ZNF717: variants seen among roughly 807,000 people sequenced by gnomAD.
ZNF717 encodes the protein krueppel-like factor X17.
In ZNF717, 9 loss-of-function variants were observed where a neutral mutation model predicts 13.8. That is an observed-to-expected ratio of 0.65 (90% CI 0.39 to 1.14). ZNF717 has a LOEUF of 1.14. Among genes scored for constraint, ZNF717 ranks in the 50% most tolerant of loss-of-function variants. The pLI is 0.01. For synonymous variants in ZNF717, 327 were observed against 364.1 expected (o/e 0.90, Z 1.16); for missense variants, 1,040 against 1,080.7 (o/e 0.96, Z 0.53).
At chr3:75,724,826 AT>A (rs1938244730) in intron 4 of ZNF717, among the ~76,000 whole-genome samples, 1 of 52,348 alleles carries the variant, frequency 1.9e-5, no homozygotes, top group Non-Finnish European at 5.0e-5. Flanking sequence ...CAAGTAACAT[AT>A]CTGTATTATG....
intron 2 of ZNF717, among the ~76,000 whole-genome samples, chr3:75,777,838 CA>C (rs1944455439): frequency 6.7e-6 from 1 of 150,246 alleles, no homozygotes; most frequent in Non-Finnish European, 1.5e-5. Context: ...ACCAGAAACC[CA>C]AAACAATGGG....
chr3:75,748,232 G>A (rs1460213479), intron 2 of ZNF717, among the ~76,000 whole-genome samples: 25 of 152,178 alleles, frequency 1.6e-4, no homozygotes, highest in African/African-American at 5.5e-4. Context: ...AGAACCAGAC[G>A]GAATCACAGC....
At chr3:75,779,837 A>G (rs1362316741) in intron 2 of ZNF717, among the ~76,000 whole-genome samples, 1 of 151,746 alleles carries the variant, frequency 6.6e-6, no homozygotes, top group Non-Finnish European at 1.5e-5. Context: ...CAGAAACCCA[A>G]AACAATGGGA....
intron 6 of ZNF717, among the ~76,000 whole-genome samples, chr3:75,700,769 G>C (rs142534247): frequency 7.5e-6 from 1 of 133,670 alleles, no homozygotes; most frequent in Non-Finnish European, 1.7e-5. Context: ...CCTATTTCTT[G>C]CCACATACAA....
chr3:75,699,147 C>A (rs60200169), intron 6 of ZNF717, among the ~76,000 whole-genome samples: 424 of 150,806 alleles, frequency 2.8e-3, no homozygotes, highest in African/African-American at 0.01. Context: ...TACCCAATGC[C>A]ACTGCCCCAT....
At chr3:75,784,128 A>C (rs975251563) in intron 1 of ZNF717, among the ~76,000 whole-genome samples, 3 of 152,184 alleles carry the variant, frequency 2.0e-5, no homozygotes, top group Non-Finnish European at 4.4e-5. Flanking sequence ...GTCACCACAA[A>C]CCGCCAGATT....
intron 2 of ZNF717, among the ~76,000 whole-genome samples, chr3:75,768,530 C>A (rs539850626): frequency 2.7e-4 from 35 of 131,036 alleles, no homozygotes; most frequent in African/African-American, 1.0e-3. Flanking sequence ...GTCCTCACTG[C>A]GGCTGAGTGT....
At chr3:75,715,430 A>T (rs1304893140) in intron 5 of ZNF717, among the ~76,000 whole-genome samples, 1 of 152,148 alleles carries the variant, frequency 6.6e-6, no homozygotes, top group East Asian at 1.9e-4. Flanking sequence ...TGCTAGACAT[A>T]CCTTAGATTA....
intron 2 of ZNF717, among the ~76,000 whole-genome samples, chr3:75,781,308 T>C (rs1257201109): frequency 1.3e-5 from 2 of 152,272 alleles, no homozygotes; most frequent in Non-Finnish European, 2.9e-5. Flanking sequence ...GTTGTTTCTG[T>C]ACCTCACTTC....
intron 2 of ZNF717, among the ~76,000 whole-genome samples, chr3:75,769,200 G>A (rs1043906773): frequency 1.3e-5 from 2 of 152,142 alleles, no homozygotes; most frequent in South Asian, 2.1e-4. Flanking sequence ...TCTGAGGGGC[G>A]ATCATGAGAG....
At chr3:75,706,113 A>G (rs1937798257), downstream of ZNF717, among the ~76,000 whole-genome samples, 7 of 152,236 alleles carry the variant, frequency 4.6e-5, no homozygotes, top group Non-Finnish European at 2.9e-5. Flanking sequence ...AAAAATTACA[A>G]TCATTTGACT....
At chr3:75,716,503 G>A (rs1389708137) in exon 5 of ZNF717, 1 of 151,856 alleles carries the variant, frequency 6.6e-6, no homozygotes, top group Non-Finnish European at 1.5e-5. Context: ...GTTCCCAAAT[G>A]GTATAAAAAA....
chr3:75,783,466 T>A, intron 1 of ZNF717, 102 bp from the exon 2 acceptor site: 1 of 831,368 alleles, frequency 1.2e-6, no homozygotes, highest in Non-Finnish European at 1.8e-6. Flanking sequence ...GGAAAAGCCC[T>A]CCTCCCTCCT....
At chr3:75,734,035 A>T (rs1177316026), downstream of ZNF717, among the ~76,000 whole-genome samples, 2 of 144,110 alleles carry the variant, frequency 1.4e-5, no homozygotes, top group African/African-American at 5.2e-5. Context: ...AAAAAAAAAG[A>T]TACACATCTG....
intron 2 of ZNF717, among the ~76,000 whole-genome samples, chr3:75,742,501 A>C (rs1476947886): frequency 6.6e-6 from 1 of 151,796 alleles, no homozygotes; most frequent in Non-Finnish European, 1.5e-5. Flanking sequence ...TTGCACCATG[A>C]GGTTCCACTT....
chr3:75,725,354 T>C (rs1260250852), downstream of ZNF717, among the ~76,000 whole-genome samples: 3 of 152,232 alleles, frequency 2.0e-5, no homozygotes, highest in African/African-American at 7.2e-5. Flanking sequence ...AGACTTCTAA[T>C]GATTCAGCTC....
At chr3:75,711,344 TA>T (rs1937933188) in intron 5 of ZNF717, 1 of 152,218 alleles carries the variant, frequency 6.6e-6, no homozygotes, top group African/African-American at 2.4e-5. Flanking sequence ...TCAGAACCAA[TA>T]ATGTTTCAAA....
rs376106779 is a variant in ZNF717 at position 75,730,131 on chromosome 3, G to A, written c.*482C>T. On this transcript the variant is annotated 3_prime_UTR_variant, in exon 6 of 6. Transcript: ENST00000477374. ...TCTTTGTACATGACAAAAACATTCCGTGTCCACCCAGGGTGAACACAGCCA... is the reference window on the plus strand; with the variant it reads ...TCTTTGTACATGACAAAAACATTCCATGTCCACCCAGGGTGAACACAGCCA... The A allele has an allele frequency of 4.3e-3, 651 of 152,810 alleles. 1 individual carries two copies. Among genetic ancestry groups the A allele is most frequent in the African/African-American group, 0.014 (590 of 41,554 alleles). The allele number at this position is 152,810 out of a possible 1,614,324, so 9.5% of individuals were successfully genotyped here. A position where few individuals can be genotyped will look rare whatever the true frequency, so the allele number is the denominator to read the frequency against.
intron 2 of ZNF717, among the ~76,000 whole-genome samples, chr3:75,744,933 G>T (rs1940976068): frequency 6.6e-6 from 1 of 152,196 alleles, no homozygotes; most frequent in Admixed American, 6.5e-5. Flanking sequence ...TTCCGCCCAA[G>T]GTGGAAAATT....
Sources: gnomAD v4.1 joint callset for allele counts (sites outside exome capture counted in the v4.1 genomes callset) on GRCh38, gnomAD v4.1.1 for gene constraint, MANE v1.5 for transcripts, NCBI Gene and HGNC (gene_info 2026-07-23, HGNC 2026-07-21) for gene names.